The following CYSTM1 variants were observed in gnomAD, a reference collection of about 807,000 sequenced individuals.
The protein encoded by CYSTM1 is cysteine rich transmembrane module containing 1, also known as cysteine-rich transmembrane module-containing protein 1.
A neutral mutation model predicts 13.1 loss-of-function variants in CYSTM1; 4 were observed. That is an observed-to-expected ratio of 0.31 (90% CI 0.15 to 0.70). The LOEUF is 0.70. CYSTM1 is among the 30% of genes least tolerant of loss of function. The pLI, the probability that CYSTM1 is intolerant of heterozygous loss-of-function variation, is 0.72. For synonymous variants in CYSTM1, 36 were observed against 42.7 expected (o/e 0.84, Z 0.62); for missense variants, 96 against 121.6 (o/e 0.79, Z 0.99).
chr5:140,210,882 T>C (rs1366657659), intron 2 of CYSTM1, among the ~76,000 whole-genome samples: 1 of 152,152 alleles, frequency 6.6e-6, no homozygotes, highest in Non-Finnish European at 1.5e-5. Context: ...ATAAGCTTCA[T>C]GAGCAGCTGA....
At chr5:140,240,206 T>C (rs1024271773) in intron 2 of CYSTM1, among the ~76,000 whole-genome samples, 1 of 152,164 alleles carries the variant, frequency 6.6e-6, no homozygotes, top group African/African-American at 2.4e-5. Flanking sequence ...CTCTCCCTTT[T>C]TTCCGTCTTT....
Position 140,199,537 on chromosome 5 carries a change from CT to C in CYSTM1, c.187+4886del, listed in dbSNP as rs574769167. Among the ~76,000 whole-genome samples, 5 of 152,328 alleles carry C rather than the reference CT, an allele frequency of 3.3e-5. No homozygotes were observed. The South Asian group carries it at 1.0e-3, about 32-fold the overall frequency. ...ATGGAGTCTCACACTGTCGCCCAGGCTGGAGTGCAGTGGCGCGATCTTGACT... is the reference window on the plus strand; with the variant it reads ...ATGGAGTCTCACACTGTCGCCCAGGCGGAGTGCAGTGGCGCGATCTTGACT... On this transcript the variant is annotated intron_variant, in intron 2 of 2. Transcript: ENST00000261811.
rs1764775140 is a variant in CYSTM1, at chr5:140,243,332, A to T, written c.215A>T (p.Asp72Val). 1.5e-5 allele frequency: 25 copies of T among 1,614,064 alleles called. No individual in the cohort carries two copies. Among genetic ancestry groups the T allele is most frequent in the Non-Finnish European group, 2.1e-5 (25 of 1,179,990 alleles). ...TVYVVEDQRR[D>V]ELGPSTCLTA... ...TATGTGGTAGAAGACCAAAGAAGAG[A>T]TGAGCTAGGACCATCCACCTGCCTC... is the stretch of plus-strand genomic sequence containing the variant. The change falls in exon 3 of 3, where the codon GAT becomes GTT. Residue 72 changes from aspartate (D) to valine (V), a missense_variant. Coordinates refer to ENST00000261811, the MANE Select transcript of CYSTM1 (RefSeq NM_032412.4).
chr5:140,220,940 A>C (rs901594522), intron 2 of CYSTM1, among the ~76,000 whole-genome samples: 3 of 152,182 alleles, frequency 2.0e-5, no homozygotes, highest in Admixed American at 6.5e-5. Flanking sequence ...ATCCTGAGCC[A>C]CCAACGTACA....
chr5:140,205,726 C>T (rs1051780277), intron 2 of CYSTM1, among the ~76,000 whole-genome samples: 6 of 152,136 alleles, frequency 3.9e-5, no homozygotes, highest in African/African-American at 1.4e-4. Context: ...AGTACCCTCC[C>T]CTGGCCCACA....
chr5:140,184,807 T>A (rs961160705), intron 1 of CYSTM1, among the ~76,000 whole-genome samples: 3 of 152,220 alleles, frequency 2.0e-5, no homozygotes, highest in Non-Finnish European at 4.4e-5. Context: ...CTTCTCTGAA[T>A]TCCCTCAGAA....
At chr5:140,242,390 A>C (rs907844126) in intron 2 of CYSTM1, among the ~76,000 whole-genome samples, 2 of 152,158 alleles carry the variant, frequency 1.3e-5, no homozygotes, top group Admixed American at 1.3e-4. Flanking sequence ...AAGAAAACTG[A>C]AAGAAAACCC....
chr5:140,223,949 T>C (rs1434786040), intron 2 of CYSTM1, among the ~76,000 whole-genome samples: 1 of 152,110 alleles, frequency 6.6e-6, no homozygotes, highest in African/African-American at 2.4e-5. Context: ...CCCCAAAGGC[T>C]GAGGGAGCTG....
rs989661224 is a variant in CYSTM1, at chr5:140,215,536, C to A, written c.187+20884C>A. Among the ~76,000 whole-genome samples, 7 of 91,992 alleles carry A rather than the reference C, an allele frequency of 7.6e-5. 1 individual carries two copies. Among genetic ancestry groups the A allele is most frequent in the Non-Finnish European group, 1.8e-4 (7 of 39,992 alleles). The allele number at this position is 91,992 out of a possible 152,430, so 60.4% of individuals were successfully genotyped here. A position where few individuals can be genotyped will look rare whatever the true frequency, so the allele number is the denominator to read the frequency against. On this transcript the variant is annotated intron_variant, in intron 2 of 2. Coordinates refer to ENST00000261811, the MANE Select transcript of CYSTM1 (RefSeq NM_032412.4). ...GAAACCTGGCCACTTTTTAGAAAAT[C>A]ACTTTTTAAATTACAGAAATACTTT...
intron 2 of CYSTM1, among the ~76,000 whole-genome samples, chr5:140,223,639 C>G (rs1764514799): frequency 6.6e-6 from 1 of 152,222 alleles, no homozygotes; most frequent in African/African-American, 2.4e-5. Flanking sequence ...TCAGATCCTT[C>G]CCAGAAGAAC....
At chr5:140,211,421 G>A (rs992839134) in intron 2 of CYSTM1, among the ~76,000 whole-genome samples, 1 of 152,108 alleles carries the variant, frequency 6.6e-6, no homozygotes, top group Non-Finnish European at 1.5e-5. Flanking sequence ...TTGTAAACAC[G>A]GCTTCCAAGT....
chr5:140,177,078 A>ACAAAAAAAAAAAAC (rs771598158), intron 1 of CYSTM1, among the ~76,000 whole-genome samples: 1 of 135,544 alleles, frequency 7.4e-6, no homozygotes, highest in African/African-American at 2.6e-5. Context: ...CAAAAAAAAA[A>ACAAAAAAAAAAAAC]AAAAAAAAAT....
chr5:140,190,274 C>A (rs36050010), intron 1 of CYSTM1, among the ~76,000 whole-genome samples: 29,444 of 151,840 alleles, frequency 0.19, 3,035 homozygotes, highest in South Asian at 0.24. Context: ...TGGATATTTT[C>A]TTTCCTTGGA....
intron 1 of CYSTM1, among the ~76,000 whole-genome samples, chr5:140,184,267 C>A (rs970093773): frequency 6.6e-6 from 1 of 152,112 alleles, no homozygotes; most frequent in Non-Finnish European, 1.5e-5. Flanking sequence ...GTAGTTCTAA[C>A]TTATTCTTCT....
chr5:140,177,714 C>A (rs533104807), intron 1 of CYSTM1, among the ~76,000 whole-genome samples: 1 of 152,228 alleles, frequency 6.6e-6, no homozygotes, highest in East Asian at 1.9e-4. Flanking sequence ...CCGTGTGTTC[C>A]TGTTGAGTGG....
At chr5:140,231,454 A>G (rs1333834417) in intron 2 of CYSTM1, among the ~76,000 whole-genome samples, 2 of 152,204 alleles carry the variant, frequency 1.3e-5, no homozygotes, top group African/African-American at 4.8e-5. Flanking sequence ...GTAGCTCCAG[A>G]GTGTCAGGTG....
intron 2 of CYSTM1, among the ~76,000 whole-genome samples, chr5:140,228,565 C>T (rs1025813398): frequency 2.0e-5 from 3 of 152,194 alleles, no homozygotes; most frequent in Middle Eastern, 3.2e-3. Context: ...ACAGGGAAAG[C>T]GCAGTGAACC....
intron 1 of CYSTM1, among the ~76,000 whole-genome samples, chr5:140,178,308 T>A (rs1372598672): frequency 1.3e-5 from 2 of 152,184 alleles, no homozygotes; most frequent in African/African-American, 2.4e-5. Flanking sequence ...ATGAGAGGCT[T>A]ATATGAAATT....
At chr5:140,225,156 TGGGTAATA>T (rs1296667497) in intron 2 of CYSTM1, among the ~76,000 whole-genome samples, 1 of 152,178 alleles carries the variant, frequency 6.6e-6, no homozygotes, top group Non-Finnish European at 1.5e-5. Context: ...CACTTCAGCC[TGGGTAATA>T]GAGCAAGACC....
Sources: allele counts gnomAD v4.1 joint callset (sites outside exome capture counted in the v4.1 genomes callset), GRCh38; gene constraint gnomAD v4.1.1; transcripts MANE v1.5; gene names NCBI Gene and HGNC (gene_info 2026-07-23, HGNC 2026-07-21).